PAH: variants seen among roughly 807,000 people sequenced by gnomAD.
PAH encodes the protein phenylalanine hydroxylase.
In PAH, 64 loss-of-function variants were observed where a neutral mutation model predicts 62.0. The observed-to-expected ratio is 1.03, with a 90% CI of 0.84 to 1.27. PAH has a LOEUF of 1.27. PAH is among the 50% of genes most tolerant of loss of function. The probability of loss-of-function intolerance (pLI) is 0.00; values close to 1 mark genes in which losing one functional copy is unlikely to be tolerated. For synonymous variants in PAH, 195 were observed against 196.2 expected, an observed-to-expected ratio of 0.99 and a Z score of 0.05; for missense variants, 579 against 542.8, an observed-to-expected ratio of 1.07 and a Z score of -0.66.
Position 102,912,801 on chromosome 12 carries a change from C to G in PAH, c.158G>C (p.Arg53Pro). Residue 53 changes from arginine (R) to proline (P), a missense_variant, in exon 2 of 13, where the codon CGC (arginine) becomes CCC (proline). By Grantham distance (103) the Arg-to-Pro change is moderately radical (BLOSUM62 -2). Coordinates refer to ENST00000553106, the MANE Select transcript of PAH (RefSeq NM_000277.3). ...EEVGALAKVLRLFEENDVNLT... is the reference protein window; with the variant it reads ...EEVGALAKVLPLFEENDVNLT... Reference sequence around the variant, plus strand: ...GATTGTAGCACTGACCTCAAATAAGCGCAATACTTTGGCCAATGCACCAAC... The same window carrying G: ...GATTGTAGCACTGACCTCAAATAAGGGCAATACTTTGGCCAATGCACCAAC... 2 of 1,608,846 alleles carry G rather than the reference C, an allele frequency of 1.2e-6. No individual in the cohort carries two copies. The highest frequency in any genetic ancestry group is 1.7e-6 in the Non-Finnish European group (2 of 1,175,290).
At chr12:102,870,515 A>C (rs1359026343) in intron 4 of PAH, among the ~76,000 whole-genome samples, 1 of 152,190 alleles carries the variant, frequency 6.6e-6, no homozygotes, top group Non-Finnish European at 1.5e-5. Context: ...AGCATGATGC[A>C]TTTGTGCAAA....
At chr12:102,948,717 T>C (rs941288841) in intron 1 of PAH, among the ~76,000 whole-genome samples, 4 of 152,242 alleles carry the variant, frequency 2.6e-5, no homozygotes, top group African/African-American at 9.6e-5. Context: ...GACTGTCTTA[T>C]CACCCAGAAT....
intron 1 of PAH, among the ~76,000 whole-genome samples, chr12:102,938,110 T>C (rs1045127453): frequency 6.6e-6 from 1 of 152,178 alleles, no homozygotes; most frequent in Admixed American, 6.5e-5. Flanking sequence ...ATGTTGGAAT[T>C]CAGCAAGGAA....
chr12:102,863,859 C>G lies in PAH; in HGVS notation c.509+2737G>C, dbSNP rs556928928. On this transcript the variant is annotated intron_variant, in intron 5 of 12. Coordinates refer to ENST00000553106, the MANE Select transcript of PAH (RefSeq NM_000277.3). ...TATAAGCTCCTATGATCCGTTTTAT[C>G]TATTCCTAGATAAAACTTAAAAGCC... Among the ~76,000 whole-genome samples, 17 of 152,248 alleles carry G rather than the reference C, an allele frequency of 1.1e-4. No individual in the cohort carries two copies. In the South Asian group the frequency reaches 3.3e-3, roughly 30 times the overall value.
At chr12:102,939,873 G>A (rs61943186) in intron 1 of PAH, among the ~76,000 whole-genome samples, 9,373 of 152,274 alleles carry the variant, frequency 0.062, 336 homozygotes, top group Admixed American at 0.1. Flanking sequence ...GGGCTGCAGT[G>A]TGCAGCCTGG....
chr12:102,912,107 A>C (rs1379981219), intron 2 of PAH, among the ~76,000 whole-genome samples: 2 of 152,244 alleles, frequency 1.3e-5, no homozygotes, highest in African/African-American at 2.4e-5. Flanking sequence ...TTTGGAAAAT[A>C]ATACATACAT....
Position 102,891,483 on chromosome 12 carries a change from G to A in PAH, c.352+3252C>T, listed in dbSNP as rs183620420. On this transcript the variant is annotated intron_variant, in intron 3 of 12. Transcript: ENST00000553106. Reference sequence around the variant, plus strand: ...GCTGTGTACAGGCTGCATTTTGGTCGCTCTTGTGCTCATGCCAGTGTTTAT... The same window carrying A: ...GCTGTGTACAGGCTGCATTTTGGTCACTCTTGTGCTCATGCCAGTGTTTAT... 3.7e-4 allele frequency among the ~76,000 whole-genome samples: 57 copies of A among 152,260 alleles called. No homozygotes were observed. In the East Asian group the frequency reaches 5.8e-3, roughly 15 times the overall value.
At chr12:102,887,107 G>A (rs74973925) in intron 3 of PAH, among the ~76,000 whole-genome samples, 1,587 of 151,834 alleles carry the variant, frequency 0.01, 23 homozygotes, top group African/African-American at 0.036. Flanking sequence ...ATGTCGAAGA[G>A]GATGAAAAAA....
chr12:102,918,787 C>G (rs1282328465), upstream of PAH, among the ~76,000 whole-genome samples: 1 of 152,084 alleles, frequency 6.6e-6, no homozygotes, highest in Non-Finnish European at 1.5e-5. Flanking sequence ...AGGCGAAGAT[C>G]TTGATTTCCA....
chr12:102,940,759 C>T (rs532343725), intron 1 of PAH, among the ~76,000 whole-genome samples: 4 of 152,248 alleles, frequency 2.6e-5, no homozygotes, highest in South Asian at 2.1e-4. Flanking sequence ...TTGAAAATAT[C>T]GTCCACAAAA....
intron 5 of PAH, among the ~76,000 whole-genome samples, chr12:102,864,517 C>A (rs1038530578): frequency 6.6e-5 from 10 of 152,006 alleles, no homozygotes; most frequent in East Asian, 3.9e-4. Flanking sequence ...CTGAGTGAGA[C>A]CTTGGTCAAT....
upstream of PAH, among the ~76,000 whole-genome samples, chr12:102,919,050 T>G (rs2136736882): frequency 6.6e-6 from 1 of 152,266 alleles, no homozygotes; most frequent in South Asian, 2.1e-4. Flanking sequence ...ACGTGCATGG[T>G]TTCACTTCTT....
chr12:102,851,842 A>G, intron 7 of PAH, 86 bp from the exon 8 acceptor site: 2 of 950,798 alleles, frequency 2.1e-6, no homozygotes, highest in East Asian at 2.4e-5. Flanking sequence ...GAATGGGCAG[A>G]AAGAATGGAA....
chr12:102,840,599 C>G, intron 11 of PAH, 84 bp from the exon 12 acceptor site: 1 of 948,168 alleles, frequency 1.1e-6, no homozygotes. Context: ...CATTTTACTT[C>G]TTTTTTAGGA....
intron 2 of PAH, among the ~76,000 whole-genome samples, chr12:102,910,698 A>G (rs1210193726): frequency 2.0e-5 from 3 of 152,190 alleles, no homozygotes; most frequent in African/African-American, 7.2e-5. Flanking sequence ...TTTCATAAGC[A>G]AAGTCCAGTG....
chr12:102,881,888 C>A (rs757725874), intron 3 of PAH, among the ~76,000 whole-genome samples: 3 of 152,090 alleles, frequency 2.0e-5, no homozygotes, highest in Non-Finnish European at 4.4e-5. Flanking sequence ...TAGGTTGTTT[C>A]CCTTGGCTGT....
At chr12:102,925,257 A>G (rs61943178) in intron 1 of PAH, among the ~76,000 whole-genome samples, 9,396 of 152,222 alleles carry the variant, frequency 0.062, 342 homozygotes, top group Admixed American at 0.1. Context: ...TGGAATGCAG[A>G]TATGCTGACT....
intron 1 of PAH, among the ~76,000 whole-genome samples, chr12:102,941,914 T>C (rs548630401): frequency 6.6e-6 from 1 of 152,192 alleles, no homozygotes; most frequent in African/African-American, 2.4e-5. Flanking sequence ...AAACTAGGCA[T>C]CAAAGGAACA....
intron 2 of PAH, among the ~76,000 whole-genome samples, chr12:102,901,680 C>A (rs1877766551): frequency 6.6e-6 from 1 of 151,990 alleles, no homozygotes; most frequent in Admixed American, 6.6e-5. Context: ...CAAGGGAGAA[C>A]TTCTTGGACC....
Sources: allele counts gnomAD v4.1 joint callset (sites outside exome capture counted in the v4.1 genomes callset), GRCh38; gene constraint gnomAD v4.1.1; transcripts MANE v1.5; gene names NCBI Gene and HGNC (gene_info 2026-07-23, HGNC 2026-07-21).